The following ARL3 variants were observed in gnomAD, a reference collection of about 807,000 sequenced individuals.
ARL3 encodes ARF like GTPase 3.
In ARL3, 9 loss-of-function variants were observed where a neutral mutation model predicts 26.0. The ratio of observed to expected loss-of-function variants is 0.35; its 90% CI spans 0.21 to 0.60. The LOEUF (loss-of-function observed/expected upper bound fraction) is 0.60. Ranked by LOEUF, ARL3 falls within the 20% of genes least tolerant of loss-of-function variation. ARL3 has a pLI of 0.78. For missense variants in ARL3, 158 were observed against 215.7 expected (o/e 0.73, Z 1.67); for synonymous variants, 71 against 78.4 (o/e 0.91, Z 0.50).
At chr10:102,687,450 TC>T (rs2064193744) in intron 4 of ARL3, among the ~76,000 whole-genome samples, 1 of 151,698 alleles carries the variant, frequency 6.6e-6, no homozygotes, top group African/African-American at 2.4e-5. Context: ...ACCCATGTAA[TC>T]CCAGCATTTT....
chr10:102,696,086 C>T (rs1241592073), intron 3 of ARL3, among the ~76,000 whole-genome samples: 1 of 151,860 alleles, frequency 6.6e-6, no homozygotes, highest in Non-Finnish European at 1.5e-5. Context: ...GCCTCAGCCT[C>T]CCGAGCAGCT....
At position 102,676,835 on chromosome 10, in the gene ARL3, A is replaced by T; in HGVS notation, c.*59T>A. The T allele has an allele frequency of 1.3e-6, 2 of 1,546,254 alleles. No individual in the cohort carries two copies. The highest frequency in any genetic ancestry group is 8.9e-7 in the Non-Finnish European group (1 of 1,120,942). On this transcript the variant is annotated 3_prime_UTR_variant, in exon 6 of 6. Coordinates refer to ENST00000260746, the MANE Select transcript of ARL3 (RefSeq NM_004311.4). ...ACATTTGGTCAGAAAGCAGCAAATT[A>T]GTGTTTTTCAGGACCGAATTCGGCT...
intron 2 of ARL3, among the ~76,000 whole-genome samples, 186 bp downstream of exon 2, chr10:102,705,160 C>T (rs954689949): frequency 2.0e-5 from 3 of 152,192 alleles, no homozygotes; most frequent in African/African-American, 7.2e-5. Flanking sequence ...AATCTGACTA[C>T]TCTAAATACC....
In ARL3 at chr10:102,676,053, C is replaced by A. The variant is rs1469973779; in HGVS notation, c.*841G>T. The A allele has an allele frequency of 3.9e-5, 6 of 152,554 alleles. No homozygotes were observed. The highest frequency in any genetic ancestry group is 1.4e-4 in the African/African-American group (6 of 41,418). The allele number at this position is 152,554 out of a possible 1,614,324, so 9.5% of individuals were successfully genotyped here. ...CACTGCTCCACTGAGCTGGAGAAAG[C>A]CTGTTTACGCTAGCCTGAGCCCTCG... On this transcript the variant is annotated 3_prime_UTR_variant, in exon 6 of 6. Coordinates refer to ENST00000260746, the MANE Select transcript of ARL3 (RefSeq NM_004311.4).
intron 5 of ARL3, among the ~76,000 whole-genome samples, chr10:102,677,263 G>A (rs2064135143): frequency 6.6e-6 from 1 of 152,220 alleles, no homozygotes; most frequent in South Asian, 2.1e-4. Flanking sequence ...GAGCTATCAG[G>A]AAAGATTCCA....
chr10:102,708,170 ATT>A (rs56182107), intron 1 of ARL3, among the ~76,000 whole-genome samples: 4 of 150,912 alleles, frequency 2.7e-5, no homozygotes, highest in Admixed American at 6.6e-5. Context: ...CAAAGGCAAG[ATT>A]TTTTTTTTTG....
At chr10:102,680,248 C>T (rs1257549113) in intron 5 of ARL3, among the ~76,000 whole-genome samples, 1 of 152,148 alleles carries the variant, frequency 6.6e-6, no homozygotes, top group African/African-American at 2.4e-5. Flanking sequence ...CTGGCCGAAT[C>T]TTTATTGTTA....
In ARL3 at chr10:102,705,338, G is replaced by A. The variant is rs2064303674; in HGVS notation, c.147+8C>T. ...TCACACGGCATCTGGAGCCAAGGCA[G>A]TGCTCACCTGTGTAGGTGTGATGTG... is the stretch of plus-strand genomic sequence containing the variant. On this transcript the variant is annotated splice_region_variant and intron_variant, in intron 2 of 5. Transcript: ENST00000260746. 1 of 1,568,778 alleles carries A rather than the reference G, an allele frequency of 6.4e-7. No homozygotes were observed. The highest frequency in any genetic ancestry group is 8.7e-7 in the Non-Finnish European group (1 of 1,149,474).
intron 1 of ARL3, among the ~76,000 whole-genome samples, chr10:102,709,479 CAA>C (rs11290496): frequency 2.4e-3 from 270 of 114,314 alleles, no homozygotes; most frequent in Admixed American, 4.7e-3. Flanking sequence ...ATATCCCTAC[CAA>C]AAAAAAAAAA....
At chr10:102,687,267 T>C (rs2064192946) in intron 4 of ARL3, among the ~76,000 whole-genome samples, 2 of 151,654 alleles carry the variant, frequency 1.3e-5, no homozygotes, top group Non-Finnish European at 2.9e-5. Context: ...AATATCTCAC[T>C]CTGTCATCCA....
chr10:102,694,337 G>A (rs1412755589), intron 3 of ARL3, among the ~76,000 whole-genome samples: 1 of 152,178 alleles, frequency 6.6e-6, no homozygotes, highest in Non-Finnish European at 1.5e-5. Context: ...TTCTTTCATG[G>A]ATTATGCTTT....
chr10:102,702,809 G>A (rs937521407), intron 2 of ARL3, among the ~76,000 whole-genome samples: 1 of 152,112 alleles, frequency 6.6e-6, no homozygotes, highest in East Asian at 1.9e-4. Flanking sequence ...TGTAAAAATT[G>A]TTCATTTGGT....
In ARL3 at chr10:102,686,013, G is replaced by C; in HGVS notation, c.316-12C>G. 6.2e-7 allele frequency: 1 copy of C among 1,607,726 alleles called. No homozygotes were observed. Among genetic ancestry groups the C allele is most frequent in the Non-Finnish European group, 8.5e-7 (1 of 1,175,846 alleles). On this transcript the variant is annotated splice_polypyrimidine_tract_variant and intron_variant, in intron 4 of 5. Transcript: ENST00000260746. ...AATTCCGCTAGTTCCTGGATTTTGA[G>C]AAGGGAGAGGGAGGGAAGGTTAAAA...
intron 1 of ARL3, among the ~76,000 whole-genome samples, chr10:102,712,897 TA>T (rs201077018): frequency 4.0e-5 from 6 of 151,066 alleles, no homozygotes; most frequent in African/African-American, 1.2e-4. Flanking sequence ...AGCCTGAGGT[TA>T]AAAAAAAACT....
At chr10:102,706,192 C>T (rs2136009127) in intron 1 of ARL3, among the ~76,000 whole-genome samples, 1 of 152,284 alleles carries the variant, frequency 6.6e-6, no homozygotes, top group East Asian at 1.9e-4. Context: ...TGGCTCACAT[C>T]TGTAATCCCA....
chr10:102,706,376 T>C (rs1364702577), intron 1 of ARL3, among the ~76,000 whole-genome samples: 1 of 151,954 alleles, frequency 6.6e-6, no homozygotes, highest in East Asian at 1.9e-4. Flanking sequence ...CGCTTGAACC[T>C]GGGAGGCGGA....
At chr10:102,686,468 T>TTC (rs1206735794) in intron 4 of ARL3, among the ~76,000 whole-genome samples, 49 of 145,384 alleles carry the variant, frequency 3.4e-4, no homozygotes, top group African/African-American at 1.1e-3. Context: ...TTTTCTTTCT[T>TTC]TTTTTTTTTT....
chr10:102,686,300 C>T (rs7086592), intron 4 of ARL3, among the ~76,000 whole-genome samples: 151,831 of 152,104 alleles, frequency 1, 75,779 homozygotes, highest in East Asian at 1. Context: ...TAGAACTGCA[C>T]ACCTCAGGTG....
intron 1 of ARL3, among the ~76,000 whole-genome samples, chr10:102,706,619 A>T (rs1308064244): frequency 6.6e-6 from 1 of 152,188 alleles, no homozygotes; most frequent in Non-Finnish European, 1.5e-5. Flanking sequence ...CATAAAAGGC[A>T]TCCATGAAGC....
Sources: allele counts gnomAD v4.1 joint callset (sites outside exome capture counted in the v4.1 genomes callset), GRCh38; gene constraint gnomAD v4.1.1; transcripts MANE v1.5; gene names NCBI Gene and HGNC (gene_info 2026-07-23, HGNC 2026-07-21).